Variants in UBTD2 observed in about 807,000 individuals in gnomAD.
The protein encoded by UBTD2 is ubiquitin domain-containing protein 2.
UBTD2 carries 9 observed loss-of-function variants against 19.8 expected under a neutral mutation model. That is an observed-to-expected ratio of 0.46 (90% confidence interval 0.27 to 0.79). The LOEUF is 0.79. Among genes scored for constraint, UBTD2 ranks in the 30% least tolerant of loss-of-function variants. The pLI, the probability that UBTD2 is intolerant of heterozygous loss-of-function variation, is 0.14. For missense variants in UBTD2, 250 were observed against 300.4 expected (o/e 0.83, Z 1.24); for synonymous variants, 98 against 103.9 (o/e 0.94, Z 0.35).
At chr5:172,245,331 G>A (rs955802742) in intron 1 of UBTD2, among the ~76,000 whole-genome samples, 1 of 152,168 alleles carries the variant, frequency 6.6e-6, no homozygotes, top group African/African-American at 2.4e-5. Flanking sequence ...AAACTGCAGA[G>A]CAGAAACAGC....
chr5:172,231,342 A>T (rs12659926), intron 2 of UBTD2, among the ~76,000 whole-genome samples: 2 of 152,128 alleles, frequency 1.3e-5, no homozygotes, highest in African/African-American at 4.8e-5. Context: ...AAAGGCTCAG[A>T]TATTGGCTTG....
chr5:172,228,723 A>G (rs998254727), intron 2 of UBTD2, among the ~76,000 whole-genome samples: 2 of 151,160 alleles, frequency 1.3e-5, no homozygotes, highest in African/African-American at 2.4e-5. Context: ...TCCGTCTCCA[A>G]AAAAAAAACA....
intron 1 of UBTD2, among the ~76,000 whole-genome samples, chr5:172,236,060 A>C (rs570638534): frequency 6.6e-6 from 1 of 152,340 alleles, no homozygotes; most frequent in East Asian, 1.9e-4. Flanking sequence ...TATGCAAAAC[A>C]GAAAATAAAA....
In UBTD2 at chr5:172,283,678, C is replaced by G. The variant is rs1283214074; in HGVS notation, c.-13G>C. The G allele has an allele frequency of 1.6e-6, 2 of 1,231,938 alleles. No individual in the cohort carries two copies. Among genetic ancestry groups the G allele is most frequent in the Non-Finnish European group, 2.0e-6 (2 of 984,410 alleles). The allele number at this position is 1,231,938 out of a possible 1,614,324, so 76.3% of individuals were successfully genotyped here. A position where few individuals can be genotyped will look rare whatever the true frequency, so the allele number is the denominator to read the frequency against. ...CACACCCGCCCATGGGGGCCCCCGGCGCCTCGTCCGCCACCTCCGGACGCT... is the reference window on the plus strand; with the variant it reads ...CACACCCGCCCATGGGGGCCCCCGGGGCCTCGTCCGCCACCTCCGGACGCT... On this transcript the variant is annotated 5_prime_UTR_variant, in exon 1 of 3. Transcript: ENST00000393792. The surrounding 1 kb of genome is among the most constrained non-coding windows in gnomAD (Gnocchi z 4.3).
intron 1 of UBTD2, chr5:172,255,159 C>T (rs1755112287): frequency 8.7e-6 from 4 of 460,980 alleles, no homozygotes; most frequent in African/African-American, 4.0e-5. Flanking sequence ...TCAACCCAGG[C>T]GAGGCTCTCT....
In UBTD2 at chr5:172,246,124, T is replaced by C. The variant is rs1205457649; in HGVS notation, c.71-11766A>G. Reference sequence around the variant, plus strand: ...AAGCAGTTATTATAACCATGTTCCATGGTGGGGTGGGAGAGGAAAGGGAAC... The same window carrying C: ...AAGCAGTTATTATAACCATGTTCCACGGTGGGGTGGGAGAGGAAAGGGAAC... On this transcript the variant is annotated intron_variant, in intron 1 of 2. Coordinates refer to ENST00000393792, the MANE Select transcript of UBTD2 (RefSeq NM_152277.3). Among the ~76,000 whole-genome samples the C allele has an allele frequency of 2.0e-5, 3 of 152,136 alleles. No individual in the cohort carries two copies. The East Asian group carries it at 5.8e-4, about 29-fold the overall frequency.
chr5:172,240,505 T>C (rs1024416514), intron 1 of UBTD2, among the ~76,000 whole-genome samples: 1 of 152,150 alleles, frequency 6.6e-6, no homozygotes, highest in Non-Finnish European at 1.5e-5. Context: ...AAAATCAACA[T>C]AACTTCATAA....
At chr5:172,249,187 C>A (rs1176803735) in intron 1 of UBTD2, among the ~76,000 whole-genome samples, 7 of 151,758 alleles carry the variant, frequency 4.6e-5, no homozygotes, top group Admixed American at 4.6e-4. Flanking sequence ...CAGTTGTGGT[C>A]AGGAGTTCGA....
chr5:172,279,223 C>T (rs761525849), intron 1 of UBTD2, among the ~76,000 whole-genome samples: 2 of 152,160 alleles, frequency 1.3e-5, no homozygotes, highest in Non-Finnish European at 1.5e-5. Flanking sequence ...AAAGTAATTG[C>T]GGTTTTTGCA....
intron 1 of UBTD2, among the ~76,000 whole-genome samples, chr5:172,280,102 C>CA (rs1281038651): frequency 1.2e-3 from 166 of 133,854 alleles, no homozygotes; most frequent in South Asian, 6.2e-3. Flanking sequence ...AACGACGTCT[C>CA]AAAAAAAAAA....
At chr5:172,276,238 T>C (rs1755601086) in intron 1 of UBTD2, among the ~76,000 whole-genome samples, 1 of 145,910 alleles carries the variant, frequency 6.9e-6, no homozygotes, top group African/African-American at 2.7e-5. Flanking sequence ...TCCCAGTAAC[T>C]AGTACATAAT....
At chr5:172,284,079 G>C (rs1025913241), upstream of UBTD2, 3 of 150,348 alleles carry the variant, frequency 2.0e-5, no homozygotes, top group African/African-American at 7.3e-5. Context: ...GCCGCCCTCC[G>C]CACCCACGGC....
chr5:172,251,327 G>GAAAA (rs1554129191), intron 1 of UBTD2, among the ~76,000 whole-genome samples: 1 of 104,798 alleles, frequency 9.5e-6, no homozygotes, highest in African/African-American at 3.7e-5. Flanking sequence ...AAAAAAAAAA[G>GAAAA]AAAATAGCCA....
chr5:172,234,102 T>C lies in UBTD2; in HGVS notation c.307+20A>G. Reference sequence around the variant, plus strand: ...AAAGTTGATTATGTTTCCTCTGTCCTTGAGGAACACCAAACCTACCATGTG... The same window carrying C: ...AAAGTTGATTATGTTTCCTCTGTCCCTGAGGAACACCAAACCTACCATGTG... On this transcript the variant is annotated intron_variant, in intron 2 of 2. Coordinates refer to ENST00000393792, the MANE Select transcript of UBTD2 (RefSeq NM_152277.3). 6.2e-7 allele frequency: 1 copy of C among 1,610,888 alleles called. No individual in the cohort carries two copies. The highest frequency in any genetic ancestry group is 8.5e-7 in the Non-Finnish European group (1 of 1,177,052).
intron 1 of UBTD2, among the ~76,000 whole-genome samples, chr5:172,245,398 C>A (rs533848664): frequency 1.3e-5 from 2 of 152,280 alleles, no homozygotes; most frequent in South Asian, 4.1e-4. Context: ...TCCACGTTCA[C>A]CTCTAACCTG....
intron 1 of UBTD2, among the ~76,000 whole-genome samples, chr5:172,263,851 CTGTG>C (rs111856574): frequency 4.9e-5 from 7 of 142,344 alleles, no homozygotes; most frequent in South Asian, 2.4e-4. Flanking sequence ...GCACGTGCCT[CTGTG>C]TGTGTGTGTG....
upstream of UBTD2, chr5:172,284,010 G>A (rs1417307394): frequency 6.7e-6 from 1 of 148,558 alleles, no homozygotes; most frequent in African/African-American, 2.4e-5. Context: ...CCCGAGTCCA[G>A]GCGAGCCCCG....
intron 1 of UBTD2, among the ~76,000 whole-genome samples, chr5:172,250,375 T>C (rs966312455): frequency 2.6e-5 from 4 of 152,110 alleles, no homozygotes; most frequent in African/African-American, 9.7e-5. Context: ...ACATCACCAA[T>C]AATGGGAAAA....
At chr5:172,214,131 T>A (rs990507972) in intron 2 of UBTD2, among the ~76,000 whole-genome samples, 1 of 152,206 alleles carries the variant, frequency 6.6e-6, no homozygotes, top group Non-Finnish European at 1.5e-5. Context: ...TAACATATCG[T>A]TTCCCCAAAC....
Sources: allele counts gnomAD v4.1 joint callset (sites outside exome capture counted in the v4.1 genomes callset), GRCh38; gene constraint gnomAD v4.1.1; non-coding constraint Gnocchi (gnomAD v3.1); transcripts MANE v1.5; gene names NCBI Gene and HGNC (gene_info 2026-07-23, HGNC 2026-07-21).